The following SLC25A48 variants were observed in gnomAD, a reference collection of about 807,000 sequenced individuals.
SLC25A48 encodes the protein solute carrier family 25 member 48.
In SLC25A48, 29 loss-of-function variants were observed where a neutral mutation model predicts 32.2. The ratio of observed to expected loss-of-function variants is 0.90; its 90% CI spans 0.67 to 1.23. The LOEUF is 1.23. SLC25A48 is among the 50% of genes most tolerant of loss of function. The pLI is 0.00. For synonymous variants in SLC25A48, 164 were observed against 172.3 expected, an observed-to-expected ratio of 0.95 and a Z score of 0.38; for missense variants, 399 against 422.7, an observed-to-expected ratio of 0.94 and a Z score of 0.49.
intron 6 of SLC25A48, among the ~76,000 whole-genome samples, chr5:135,879,585 A>G (rs907970255): frequency 3.4e-4 from 43 of 127,922 alleles, no homozygotes; most frequent in Non-Finnish European, 5.8e-4. Context: ...ATTCCCGAGG[A>G]GAGAGAGAGA....
At chr5:135,782,270 T>C (rs73789161) in intron 3 of SLC25A48, among the ~76,000 whole-genome samples, 2 of 115,640 alleles carry the variant, frequency 1.7e-5, no homozygotes, top group South Asian at 6.2e-4. Flanking sequence ...GCAGAGGGTA[T>C]ACACCCCACT....
At chr5:135,594,390 G>A (rs62366002) in intron 1 of SLC25A48, among the ~76,000 whole-genome samples, 2,850 of 152,294 alleles carry the variant, frequency 0.019, 25 homozygotes, top group Non-Finnish European at 0.027. Flanking sequence ...AAGACACTGC[G>A]TGATGTGGTG....
chr5:135,582,418 A>G (rs954489663), intron 1 of SLC25A48, among the ~76,000 whole-genome samples: 2 of 151,752 alleles, frequency 1.3e-5, no homozygotes, highest in Non-Finnish European at 2.9e-5. Flanking sequence ...GTGCTAGGAG[A>G]CTCATCAGGG....
At chr5:135,801,065 C>T (rs1167623895) in intron 3 of SLC25A48, among the ~76,000 whole-genome samples, 1 of 151,386 alleles carries the variant, frequency 6.6e-6, no homozygotes, top group African/African-American at 2.4e-5. Flanking sequence ...CGATATTACT[C>T]CCAATATCTC....
chr5:135,876,942 G>A (rs990417096), intron 6 of SLC25A48, among the ~76,000 whole-genome samples: 1 of 152,152 alleles, frequency 6.6e-6, no homozygotes, highest in Non-Finnish European at 1.5e-5. Flanking sequence ...ACTGTGGCTC[G>A]CAGAGATAGA....
intron 2 of SLC25A48, among the ~76,000 whole-genome samples, chr5:135,846,241 T>C (rs2126717331): frequency 1.3e-5 from 2 of 152,294 alleles, no homozygotes; most frequent in Non-Finnish European, 2.9e-5. Context: ...TTGGAAAAAT[T>C]GTCTTCCACA....
chr5:135,824,194 G>A (rs1032118834), intron 4 of SLC25A48, among the ~76,000 whole-genome samples: 1 of 152,206 alleles, frequency 6.6e-6, no homozygotes, highest in Admixed American at 6.5e-5. Context: ...CAAGTTTGGT[G>A]TGACTTAGGA....
chr5:135,850,201 A>G (rs1044923312), intron 2 of SLC25A48, among the ~76,000 whole-genome samples: 1 of 152,206 alleles, frequency 6.6e-6, no homozygotes, highest in Non-Finnish European at 1.5e-5. Flanking sequence ...GGCCTTTGCC[A>G]TTCTCTCAGC....
chr5:135,590,644 G>A (rs1196751651), intron 1 of SLC25A48, among the ~76,000 whole-genome samples: 1 of 152,174 alleles, frequency 6.6e-6, no homozygotes, highest in Non-Finnish European at 1.5e-5. Flanking sequence ...GGACCGTAAA[G>A]CTTGAACGTT....
chr5:135,727,203 T>C (rs763174969), intron 3 of SLC25A48, among the ~76,000 whole-genome samples: 1 of 149,066 alleles, frequency 6.7e-6, no homozygotes, highest in African/African-American at 2.5e-5. Flanking sequence ...TATATATATA[T>C]ACGTGTGTAT....
intron 1 of SLC25A48, among the ~76,000 whole-genome samples, chr5:135,587,332 C>T (rs971065448): frequency 1.3e-5 from 2 of 152,222 alleles, no homozygotes; most frequent in African/African-American, 4.8e-5. Flanking sequence ...CATGCCCTGT[C>T]TTTCATAAAA....
chr5:135,645,210 G>T (rs1385539616), intron 3 of SLC25A48, among the ~76,000 whole-genome samples: 2 of 152,196 alleles, frequency 1.3e-5, no homozygotes, highest in African/African-American at 2.4e-5. Context: ...GTGTTTGAGT[G>T]TACAGATGTG....
chr5:135,828,295 G>A (rs1297834718), intron 4 of SLC25A48, among the ~76,000 whole-genome samples: 2 of 152,238 alleles, frequency 1.3e-5, no homozygotes, highest in African/African-American at 4.8e-5. Flanking sequence ...GGACACACAG[G>A]TCATAACGAT....
chr5:135,826,071 G>A (rs1464085118), intron 4 of SLC25A48: 2 of 152,228 alleles, frequency 1.3e-5, no homozygotes, highest in Non-Finnish European at 2.9e-5. Flanking sequence ...TGGCACTCAG[G>A]CCTGTATTCT....
intron 4 of SLC25A48, among the ~76,000 whole-genome samples, chr5:135,817,660 A>G (rs1249299390): frequency 6.6e-6 from 1 of 152,248 alleles, no homozygotes; most frequent in Non-Finnish European, 1.5e-5. Context: ...AACACAAAAA[A>G]TAATAGATTC....
chr5:135,867,782 T>A (rs1012121668), intron 4 of SLC25A48, among the ~76,000 whole-genome samples: 1 of 152,188 alleles, frequency 6.6e-6, no homozygotes, highest in Admixed American at 6.5e-5. Context: ...ATGCTTGGAA[T>A]TATAATAACT....
chr5:135,746,492 G>A, intron 3 of SLC25A48: 1 of 235,764 alleles, frequency 4.2e-6, no homozygotes, highest in Non-Finnish European at 8.2e-6. Context: ...CACCGGAACT[G>A]CTGTCGTGCA....
chr5:135,750,783 C>T (rs1405188414), intron 3 of SLC25A48, among the ~76,000 whole-genome samples: 2 of 152,178 alleles, frequency 1.3e-5, no homozygotes, highest in Admixed American at 6.5e-5. Flanking sequence ...TGCCCTCCTA[C>T]GTGTGGGGAG....
intron 3 of SLC25A48, among the ~76,000 whole-genome samples, chr5:135,757,965 AAC>A (rs1755960582): frequency 6.6e-6 from 1 of 150,572 alleles, no homozygotes; most frequent in South Asian, 2.1e-4. Flanking sequence ...GTCTAGTTTT[AAC>A]ACACTATGAT....
Sources: allele counts gnomAD v4.1 joint callset (sites outside exome capture counted in the v4.1 genomes callset), GRCh38; gene constraint gnomAD v4.1.1; transcripts MANE v1.5; gene names NCBI Gene and HGNC (gene_info 2026-07-23, HGNC 2026-07-21).